Variants in ADAMTSL1 observed in about 807,000 individuals in gnomAD.
ADAMTSL1 encodes ADAMTS like 1.
ADAMTSL1 carries 126 observed loss-of-function variants against 201.8 expected under a neutral mutation model. The observed-to-expected ratio is 0.62, with a 90% CI of 0.54 to 0.72. ADAMTSL1 has a LOEUF of 0.72. Among genes scored for constraint, ADAMTSL1 ranks in the 30% least tolerant of loss-of-function variants. The pLI is 0.00. For synonymous variants in ADAMTSL1, 1,121 were observed against 903.4 expected (o/e 1.24, Z -4.32); for missense variants, 2,679 against 2,277.8 (o/e 1.18, Z -3.59).
intron 2 of ADAMTSL1, among the ~76,000 whole-genome samples, chr9:18,407,987 A>G (rs892898031): frequency 3.3e-5 from 5 of 152,256 alleles, no homozygotes; most frequent in Non-Finnish European, 5.9e-5. Flanking sequence ...TAAAATTTAC[A>G]TACATATACT....
chr9:18,146,810 A>G (rs1453736862), intron 1 of ADAMTSL1, among the ~76,000 whole-genome samples: 1 of 152,174 alleles, frequency 6.6e-6, no homozygotes, highest in Non-Finnish European at 1.5e-5. Flanking sequence ...ATACTTCTGT[A>G]TTATTGAAAA....
At chr9:18,522,579 A>AGCCC (rs1818764851) in intron 2 of ADAMTSL1, among the ~76,000 whole-genome samples, 1 of 139,552 alleles carries the variant, frequency 7.2e-6, no homozygotes, top group African/African-American at 2.7e-5. Context: ...CCCTAATGCT[A>AGCCC]TCCCGCCCCC....
chr9:17,940,720 A>C (rs1164209902), intron 1 of ADAMTSL1, among the ~76,000 whole-genome samples: 2 of 139,536 alleles, frequency 1.4e-5, no homozygotes, highest in Non-Finnish European at 1.6e-5. Flanking sequence ...TGCAAAAAAA[A>C]AAAAAAAGAA....
At chr9:18,562,416 A>G (rs1821574413) in intron 3 of ADAMTSL1, among the ~76,000 whole-genome samples, 2 of 152,138 alleles carry the variant, frequency 1.3e-5, no homozygotes, top group African/African-American at 4.8e-5. Flanking sequence ...TCCCTTTGTC[A>G]GTACCCGACC....
intron 1 of ADAMTSL1, among the ~76,000 whole-genome samples, chr9:18,049,257 A>G (rs1397432405): frequency 6.6e-6 from 1 of 152,190 alleles, no homozygotes; most frequent in Non-Finnish European, 1.5e-5. Flanking sequence ...TGGGAGACAC[A>G]ATGTAACTCA....
At chr9:18,052,406 G>A (rs1400698477) in intron 1 of ADAMTSL1, among the ~76,000 whole-genome samples, 1 of 152,208 alleles carries the variant, frequency 6.6e-6, no homozygotes, top group African/African-American at 2.4e-5. Context: ...GAGCCTTAAA[G>A]AATGAGTAAG....
intron 2 of ADAMTSL1, among the ~76,000 whole-genome samples, chr9:18,222,572 G>T (rs1358330194): frequency 1.4e-5 from 2 of 142,056 alleles, no homozygotes; most frequent in Non-Finnish European, 3.1e-5. Context: ...CTTTGATTTT[G>T]TTTTTATCTC....
chr9:18,606,296 T>A (rs1412704295), intron 4 of ADAMTSL1, among the ~76,000 whole-genome samples: 1 of 152,186 alleles, frequency 6.6e-6, no homozygotes, highest in Non-Finnish European at 1.5e-5. Context: ...AGCCTTGGAA[T>A]CTTTTTGAAA....
intron 2 of ADAMTSL1, among the ~76,000 whole-genome samples, chr9:18,463,624 A>G (rs1379601136): frequency 2.0e-5 from 3 of 152,164 alleles, no homozygotes; most frequent in African/African-American, 7.2e-5. Flanking sequence ...GGTACCTCAA[A>G]TAAGTAGAAT....
chr9:18,206,674 G>A (rs187820391), intron 2 of ADAMTSL1, among the ~76,000 whole-genome samples: 27 of 152,002 alleles, frequency 1.8e-4, no homozygotes, highest in African/African-American at 6.3e-4. Flanking sequence ...TATCTTTTAG[G>A]ACTTAAAAAA....
At position 18,895,389 on chromosome 9, in the gene ADAMTSL1, A is replaced by G. The variant is rs150093288; in HGVS notation, c.4851+2793A>G. Reference sequence around the variant, plus strand: ...TAAAGAAACAGCCATCTTTAAGATGATAGGAAATTTCCTGGTATTTTCGTT... The same window carrying G: ...TAAAGAAACAGCCATCTTTAAGATGGTAGGAAATTTCCTGGTATTTTCGTT... On this transcript the variant is annotated intron_variant, in intron 26 of 28. Transcript: ENST00000380548. Among the ~76,000 whole-genome samples the G allele has an allele frequency of 6.7e-3, 1,016 of 152,234 alleles. 13 individuals carry two copies. The highest frequency in any genetic ancestry group is 0.023 in the African/African-American group (950 of 41,510).
intron 1 of ADAMTSL1, among the ~76,000 whole-genome samples, chr9:18,013,771 AT>A (rs1444463459): frequency 6.6e-6 from 1 of 152,048 alleles, no homozygotes; most frequent in African/African-American, 2.4e-5. Context: ...GAAGGTAAGC[AT>A]TTAATTGTAA....
At chr9:18,031,055 A>G (rs1820930557) in intron 1 of ADAMTSL1, among the ~76,000 whole-genome samples, 1 of 151,546 alleles carries the variant, frequency 6.6e-6, no homozygotes, top group Non-Finnish European at 1.5e-5. Context: ...CATCTTTTAA[A>G]CTCTTGGATT....
intron 2 of ADAMTSL1, among the ~76,000 whole-genome samples, chr9:18,303,072 G>T (rs577926511): frequency 1.3e-5 from 2 of 152,182 alleles, no homozygotes; most frequent in South Asian, 4.1e-4. Context: ...TTAAATAATC[G>T]AAAAGATAGA....
chr9:18,702,938 T>A (rs535531700), intron 13 of ADAMTSL1, among the ~76,000 whole-genome samples: 2 of 152,152 alleles, frequency 1.3e-5, no homozygotes, highest in South Asian at 2.1e-4. Flanking sequence ...AATTTTTGTA[T>A]CTTTATAGAG....
intron 2 of ADAMTSL1, among the ~76,000 whole-genome samples, chr9:18,248,943 G>A (rs915160443): frequency 1.3e-5 from 2 of 152,174 alleles, no homozygotes; most frequent in African/African-American, 4.8e-5. Flanking sequence ...GAAAAGTTGT[G>A]AATGTAGCAC....
chr9:18,175,557 GA>G (rs1828107155), intron 2 of ADAMTSL1, among the ~76,000 whole-genome samples: 1 of 152,108 alleles, frequency 6.6e-6, no homozygotes. Flanking sequence ...TATCCATTTA[GA>G]ACTTCTTAGC....
intron 2 of ADAMTSL1, among the ~76,000 whole-genome samples, chr9:18,510,513 A>T (rs1005638571): frequency 4.6e-5 from 7 of 152,014 alleles, no homozygotes; most frequent in African/African-American, 1.4e-4. Flanking sequence ...TTTCTCCCCT[A>T]CCCTTTTTCT....
chr9:18,426,239 T>A (rs925342939), intron 2 of ADAMTSL1, among the ~76,000 whole-genome samples: 1 of 152,110 alleles, frequency 6.6e-6, no homozygotes, highest in Non-Finnish European at 1.5e-5. Context: ...CGGCCAGCTA[T>A]TATACATCCA....
Sources: allele counts gnomAD v4.1 joint callset (sites outside exome capture counted in the v4.1 genomes callset), GRCh38; gene constraint gnomAD v4.1.1; transcripts MANE v1.5; gene names NCBI Gene and HGNC (gene_info 2026-07-23, HGNC 2026-07-21).